The following NRXN3 variants were observed in gnomAD, a reference collection of about 807,000 sequenced individuals.
The protein encoded by NRXN3 is neurexin 3.
A neutral mutation model predicts 137.6 loss-of-function variants in NRXN3; 32 were observed. The ratio of observed to expected loss-of-function variants is 0.23; its 90% CI spans 0.18 to 0.31. NRXN3 has a LOEUF of 0.31. NRXN3 is among the 10% of genes least tolerant of loss of function. The pLI, the probability that NRXN3 is intolerant of heterozygous loss-of-function variation, is 1.00. For synonymous variants in NRXN3, 798 were observed against 784.5 expected, an observed-to-expected ratio of 1.02 and a Z score of -0.29; for missense variants, 1,574 against 2,062.5, an observed-to-expected ratio of 0.76 and a Z score of 4.59.
intron 4 of NRXN3, among the ~76,000 whole-genome samples, chr14:78,423,070 C>T (rs930191844): frequency 1.3e-5 from 2 of 152,086 alleles, no homozygotes; most frequent in African/African-American, 4.8e-5. Context: ...GTTGGTTTTG[C>T]CAGTTCTGCC....
At chr14:79,078,097 AT>A (rs989388798) in intron 15 of NRXN3, among the ~76,000 whole-genome samples, 3 of 151,792 alleles carry the variant, frequency 2.0e-5, no homozygotes, top group East Asian at 1.9e-4. Flanking sequence ...TTCTGATGTT[AT>A]TTTTTTTGTT....
At chr14:79,084,075 A>T (rs1398696722) in intron 15 of NRXN3, among the ~76,000 whole-genome samples, 3 of 151,500 alleles carry the variant, frequency 2.0e-5, no homozygotes, top group Non-Finnish European at 4.4e-5. Context: ...ATGCCTGGTT[A>T]ATTTATTTAT....
At chr14:78,710,795 G>A (rs1265166609) in intron 7 of NRXN3, among the ~76,000 whole-genome samples, 1 of 152,188 alleles carries the variant, frequency 6.6e-6, no homozygotes, top group African/African-American at 2.4e-5. Context: ...AGGAAGAGCT[G>A]GATGGGTTCT....
chr14:79,814,991 CT>C (rs1398645645), intron 20 of NRXN3, among the ~76,000 whole-genome samples: 3 of 152,076 alleles, frequency 2.0e-5, no homozygotes, highest in Non-Finnish European at 4.4e-5. Flanking sequence ...ATACATTTTA[CT>C]TTTTTATTTT....
chr14:78,643,688 C>T (rs954201396), intron 4 of NRXN3, among the ~76,000 whole-genome samples: 18 of 152,188 alleles, frequency 1.2e-4, no homozygotes, highest in South Asian at 2.1e-4. Flanking sequence ...ATGGTCTACT[C>T]CCTTCTCTTC....
intron 8 of NRXN3, among the ~76,000 whole-genome samples, chr14:78,753,459 T>C (rs928793328): frequency 6.6e-6 from 1 of 152,216 alleles, no homozygotes; most frequent in Non-Finnish European, 1.5e-5. Context: ...CAGTAAGATA[T>C]GTTACCTGAA....
At chr14:79,719,402 G>GTGTA (rs1555660544) in intron 19 of NRXN3, among the ~76,000 whole-genome samples, 32 of 142,312 alleles carry the variant, frequency 2.2e-4, no homozygotes, top group African/African-American at 7.2e-4. Context: ...ATATATGTGT[G>GTGTA]TATATATATA....
At chr14:79,342,927 G>A (rs565777121) in intron 15 of NRXN3, among the ~76,000 whole-genome samples, 43 of 152,254 alleles carry the variant, frequency 2.8e-4, no homozygotes, top group Admixed American at 2.5e-3. Context: ...CTGAGCATTT[G>A]GGGATCAGAG....
At chr14:79,821,695 T>G (rs1210441977) in intron 20 of NRXN3, among the ~76,000 whole-genome samples, 6 of 150,254 alleles carry the variant, frequency 4.0e-5, no homozygotes, top group Middle Eastern at 3.4e-3. Context: ...TGCATGTCTT[T>G]TTTTCTCTGA....
At chr14:79,081,397 T>C (rs1030444473) in intron 15 of NRXN3, among the ~76,000 whole-genome samples, 1 of 152,070 alleles carries the variant, frequency 6.6e-6, no homozygotes, top group African/African-American at 2.4e-5. Flanking sequence ...GGGCAGATCA[T>C]GAGGTCAGGA....
intron 10 of NRXN3, among the ~76,000 whole-genome samples, chr14:78,885,956 G>C (rs2099142470): frequency 3.9e-5 from 6 of 152,108 alleles, no homozygotes; most frequent in Admixed American, 3.9e-4. Flanking sequence ...GAGGATCCAA[G>C]GTGACAGAGC....
intron 4 of NRXN3, among the ~76,000 whole-genome samples, chr14:78,620,521 T>C (rs1029752216): frequency 6.6e-6 from 1 of 152,178 alleles, no homozygotes; most frequent in Non-Finnish European, 1.5e-5. Flanking sequence ...ACAGCAGATA[T>C]GGCCAAAGGG....
At chr14:79,049,965 C>T (rs1245264574) in intron 15 of NRXN3, among the ~76,000 whole-genome samples, 2 of 152,072 alleles carry the variant, frequency 1.3e-5, no homozygotes, top group African/African-American at 2.4e-5. Context: ...TCTTTTCTTC[C>T]ACCAGAATTT....
intron 15 of NRXN3, among the ~76,000 whole-genome samples, chr14:79,295,808 G>A (rs1019351251): frequency 2.0e-5 from 3 of 152,154 alleles, no homozygotes; most frequent in African/African-American, 7.2e-5. Flanking sequence ...CGTTGCAGCT[G>A]ACTCCATAAT....
chr14:79,084,383 A>T (rs2047669341), intron 15 of NRXN3, among the ~76,000 whole-genome samples: 1 of 152,230 alleles, frequency 6.6e-6, no homozygotes, highest in South Asian at 2.1e-4. Flanking sequence ...CAAAAATTCC[A>T]GTAGTCAACT....
chr14:79,098,705 ATG>A (rs1178477005), intron 15 of NRXN3, among the ~76,000 whole-genome samples: 3 of 152,170 alleles, frequency 2.0e-5, no homozygotes, highest in Non-Finnish European at 2.9e-5. Flanking sequence ...GGATGCCACA[ATG>A]GTGCCTGCAA....
At chr14:78,511,570 T>A (rs1379516420) in intron 4 of NRXN3, among the ~76,000 whole-genome samples, 1 of 152,182 alleles carries the variant, frequency 6.6e-6, no homozygotes, top group Non-Finnish European at 1.5e-5. Flanking sequence ...CACAAACATC[T>A]ATTCACAGAT....
intron 1 of NRXN3, among the ~76,000 whole-genome samples, chr14:78,184,200 G>A (rs1207584663): frequency 6.6e-6 from 1 of 152,200 alleles, no homozygotes; most frequent in Non-Finnish European, 1.5e-5. Context: ...TCCAGGGTGT[G>A]TTATTTTGTT....
Position 79,587,108 on chromosome 14 carries a change from G to A in NRXN3, c.3445-76670G>A, listed in dbSNP as rs552695338. On this transcript the variant is annotated intron_variant, in intron 16 of 20. Transcript: ENST00000335750. ...CAGAATGGTTGTGCCAGACTTTCAC[G>A]GGGAGCCATTTTTAAAGCTATCCTC... Among the ~76,000 whole-genome samples, 11 of 152,178 alleles carry A rather than the reference G, an allele frequency of 7.2e-5. No homozygotes were observed. The South Asian group carries it at 1.0e-3, about 14-fold the overall frequency.
Sources: allele counts gnomAD v4.1 joint callset (sites outside exome capture counted in the v4.1 genomes callset), GRCh38; gene constraint gnomAD v4.1.1; transcripts MANE v1.5; gene names NCBI Gene and HGNC (gene_info 2026-07-23, HGNC 2026-07-21).